CNTN3: variants seen among roughly 807,000 people sequenced by gnomAD.
CNTN3 encodes the protein contactin-3.
In CNTN3, 60 loss-of-function variants were observed where a neutral mutation model predicts 119.1. That is an observed-to-expected ratio of 0.50 (90% CI 0.41 to 0.62). CNTN3 has a LOEUF of 0.62. Ranked by LOEUF, CNTN3 falls within the 20% of genes least tolerant of loss-of-function variation. CNTN3 has a pLI of 0.00. For missense variants in CNTN3, 1,101 were observed against 1,242.4 expected (o/e 0.89, Z 1.71); for synonymous variants, 450 against 438.7 (o/e 1.03, Z -0.32).
At chr3:74,530,379 T>C (rs538528154) in intron 1 of CNTN3, among the ~76,000 whole-genome samples, 2 of 152,050 alleles carry the variant, frequency 1.3e-5, no homozygotes, top group Non-Finnish European at 2.9e-5. Context: ...ACATCAGAGT[T>C]GTCCAGAGAC....
intron 13 of CNTN3, among the ~76,000 whole-genome samples, chr3:74,326,712 G>C (rs553770476): frequency 6.6e-6 from 1 of 151,964 alleles, no homozygotes; most frequent in African/African-American, 2.4e-5. Context: ...AAAAATTTTA[G>C]AGTTGATACT....
chr3:74,513,687 G>A (rs6419785), intron 2 of CNTN3, among the ~76,000 whole-genome samples: 140,150 of 151,912 alleles, frequency 0.92, 64,821 homozygotes, highest in East Asian at 0.98. Flanking sequence ...ATAGTTTCAC[G>A]AGGGCACTCA....
chr3:74,513,947 G>C (rs1703410274), intron 2 of CNTN3, among the ~76,000 whole-genome samples: 1 of 151,794 alleles, frequency 6.6e-6, no homozygotes, highest in Non-Finnish European at 1.5e-5. Context: ...GGCCAGCTAG[G>C]GGTACAGAAT....
intron 2 of CNTN3, among the ~76,000 whole-genome samples, chr3:74,507,618 CTTTCTTTCTTTT>C: frequency 7.9e-6 from 1 of 127,256 alleles, no homozygotes; most frequent in Admixed American, 8.7e-5. Context: ...TCTTTTCTTT[CTTTCTTTCTTTT>C]TTTTTTTTTT....
chr3:74,596,988 T>C (rs189058791), intron 1 of CNTN3, among the ~76,000 whole-genome samples: 14 of 152,170 alleles, frequency 9.2e-5, no homozygotes, highest in African/African-American at 2.4e-4. Context: ...TGAAATTCAG[T>C]TGGATCCCTC....
At chr3:74,511,827 T>C (rs1356045575) in intron 2 of CNTN3, among the ~76,000 whole-genome samples, 2 of 152,174 alleles carry the variant, frequency 1.3e-5, no homozygotes, top group South Asian at 2.1e-4. Context: ...TGAGTAGTTA[T>C]GACAGAGACT....
Position 74,369,257 on chromosome 3 carries a change from C to G in CNTN3, c.878G>C (p.Gly293Ala). The G allele has an allele frequency of 6.2e-7, 1 of 1,611,254 alleles. No homozygotes were observed. The highest frequency in any genetic ancestry group is 1.1e-5 in the South Asian group (1 of 90,768). ...ATTCTCAGCAATGCATTCATAGGAA[C>G]CTGCATCTTCCTGTTGGAAGTTGGG... ...EIPNFQQEDA[G>A]SYECIAENSR... Residue 293 changes from glycine (G) to alanine (A), a missense_variant, in exon 8 of 23, where the codon GGT (glycine) becomes GCT (alanine). Physicochemically the swap from Gly to Ala is moderately conservative, Grantham distance 60. Transcript: ENST00000263665.
intron 4 of CNTN3, among the ~76,000 whole-genome samples, chr3:74,454,013 G>T (rs1301534270): frequency 6.7e-6 from 1 of 148,170 alleles, no homozygotes; most frequent in African/African-American, 2.5e-5. Context: ...GAGTTCTGTA[G>T]ATGTCTATTA....
chr3:74,266,532 C>G lies in CNTN3; in HGVS notation c.2935G>C (p.Asp979His). ...DYIIEVKATT[D>H]GGDGTSSEQI... ...TCACTACTGGTCCCATCCCCTCCAT[C>G]TGTTGTGGCCTTGACTTCAATAATG... The change falls in exon 22 of 23, where the codon GAT (aspartate) becomes CAT (histidine). Residue 979 changes from aspartate to histidine, a missense_variant. Physicochemically the swap from Asp to His is moderately conservative, Grantham distance 81. Coordinates refer to ENST00000263665, the MANE Select transcript of CNTN3 (RefSeq NM_020872.3). 1 of 1,613,656 alleles carries G rather than the reference C, an allele frequency of 6.2e-7. No individual in the cohort carries two copies. The highest frequency in any genetic ancestry group is 8.5e-7 in the Non-Finnish European group (1 of 1,179,620).
chr3:74,587,450 A>G (rs1039856506), intron 1 of CNTN3, among the ~76,000 whole-genome samples: 4 of 152,094 alleles, frequency 2.6e-5, no homozygotes, highest in African/African-American at 7.2e-5. Flanking sequence ...GACTGGAAGC[A>G]CACATCAAAA....
chr3:74,462,437 C>T (rs147587667), intron 4 of CNTN3, among the ~76,000 whole-genome samples: 3 of 152,086 alleles, frequency 2.0e-5, no homozygotes, highest in East Asian at 3.9e-4. Context: ...CATGTCTATG[C>T]CTTTGTTTTA....
chr3:74,406,203 T>C (rs930799261), intron 5 of CNTN3, among the ~76,000 whole-genome samples: 1 of 152,118 alleles, frequency 6.6e-6, no homozygotes, highest in Non-Finnish European at 1.5e-5. Context: ...AAAATGCTAA[T>C]TGCCTTAAAA....
chr3:74,531,835 G>T (rs939472490), intron 1 of CNTN3, among the ~76,000 whole-genome samples: 3 of 151,918 alleles, frequency 2.0e-5, no homozygotes, highest in Non-Finnish European at 4.4e-5. Context: ...GTGGGATGGG[G>T]CATAACTGCA....
intron 4 of CNTN3, among the ~76,000 whole-genome samples, chr3:74,443,010 C>T (rs144427185): frequency 1.3e-5 from 2 of 152,286 alleles, no homozygotes; most frequent in Admixed American, 1.3e-4. Flanking sequence ...AAAACAAGAT[C>T]CCTGCATTCA....
chr3:74,596,242 G>A (rs576028934), intron 1 of CNTN3, among the ~76,000 whole-genome samples: 1 of 147,160 alleles, frequency 6.8e-6, no homozygotes, highest in Non-Finnish European at 1.5e-5. Flanking sequence ...AATCAATATC[G>A]TGAAAGTGGC....
At chr3:74,610,256 G>A (rs768189530) in intron 1 of CNTN3, among the ~76,000 whole-genome samples, 1 of 151,822 alleles carries the variant, frequency 6.6e-6, no homozygotes, top group African/African-American at 2.4e-5. Flanking sequence ...CCAGGAGGTC[G>A]AGGTTCCAGT....
intron 11 of CNTN3, among the ~76,000 whole-genome samples, chr3:74,341,339 C>G (rs950550049): frequency 1.3e-5 from 2 of 152,124 alleles, no homozygotes; most frequent in Non-Finnish European, 2.9e-5. Flanking sequence ...AACGAATTTG[C>G]TTTCTAAGCT....
chr3:74,505,104 T>G (rs1475018330), intron 2 of CNTN3, among the ~76,000 whole-genome samples: 2 of 151,986 alleles, frequency 1.3e-5, no homozygotes, highest in African/African-American at 2.4e-5. Flanking sequence ...AATTTCCCCT[T>G]TTTTCATATG....
intron 4 of CNTN3, among the ~76,000 whole-genome samples, chr3:74,465,688 A>C (rs761411190): frequency 6.6e-6 from 1 of 152,312 alleles, no homozygotes; most frequent in African/African-American, 2.4e-5. Flanking sequence ...CCTCTATCTG[A>C]CAACAGCATA....
Sources: gnomAD v4.1 joint callset for allele counts (sites outside exome capture counted in the v4.1 genomes callset) on GRCh38, gnomAD v4.1.1 for gene constraint, MANE v1.5 for transcripts, NCBI Gene and HGNC (gene_info 2026-07-23, HGNC 2026-07-21) for gene names.